LRRC4C: variants seen among roughly 807,000 people sequenced by gnomAD.
LRRC4C encodes leucine rich repeat containing 4C.
Under a neutral mutation model 33.6 loss-of-function variants are expected in LRRC4C, and 5 were observed. The ratio of observed to expected loss-of-function variants is 0.15; its 90% CI spans 0.08 to 0.31. The LOEUF is 0.31. Among genes scored for constraint, LRRC4C ranks in the 10% least tolerant of loss-of-function variants. The pLI is 1.00. For missense variants in LRRC4C, 560 were observed against 796.7 expected, an observed-to-expected ratio of 0.70 and a Z score of 3.58; for synonymous variants, 329 against 302.0, an observed-to-expected ratio of 1.09 and a Z score of -0.93.
At chr11:41,249,115 A>T (rs1339433315) in intron 1 of LRRC4C, among the ~76,000 whole-genome samples, 1 of 151,690 alleles carries the variant, frequency 6.6e-6, no homozygotes, top group Non-Finnish European at 1.5e-5. Flanking sequence ...GCTCACTGCA[A>T]GCTCCACCTC....
chr11:40,841,661 AAAT>A (rs1415215644), intron 2 of LRRC4C, among the ~76,000 whole-genome samples: 1 of 152,210 alleles, frequency 6.6e-6, no homozygotes. Context: ...GAAGTATGAG[AAAT>A]AATGTTTATG....
At chr11:40,282,423 A>G (rs1014241844) in intron 4 of LRRC4C, among the ~76,000 whole-genome samples, 1 of 152,162 alleles carries the variant, frequency 6.6e-6, no homozygotes, top group South Asian at 2.1e-4. Context: ...ACGCTTTATC[A>G]TAAGGAATGT....
At chr11:41,163,746 G>A (rs1228725571) in intron 1 of LRRC4C, among the ~76,000 whole-genome samples, 2 of 151,608 alleles carry the variant, frequency 1.3e-5, no homozygotes, top group Non-Finnish European at 2.9e-5. Flanking sequence ...TGAGTAGCTG[G>A]GATTACAGGT....
intron 3 of LRRC4C, among the ~76,000 whole-genome samples, chr11:40,400,601 T>A (rs1160432597): frequency 1.3e-5 from 2 of 152,086 alleles, no homozygotes; most frequent in Non-Finnish European, 2.9e-5. Context: ...TAGCCCTCCA[T>A]CTCCATTTCT....
chr11:41,396,552 A>C (rs1953822855), intron 1 of LRRC4C, among the ~76,000 whole-genome samples: 1 of 151,986 alleles, frequency 6.6e-6, no homozygotes, highest in African/African-American at 2.4e-5. Context: ...TAAAATAATC[A>C]CTAATAACAA....
chr11:40,759,158 A>G, intron 2 of LRRC4C, among the ~76,000 whole-genome samples: 1 of 147,068 alleles, frequency 6.8e-6, no homozygotes. Flanking sequence ...ATATATGTAA[A>G]ACTAACCATT....
intron 3 of LRRC4C, among the ~76,000 whole-genome samples, chr11:40,641,035 A>AAAT (rs3042021): frequency 1.3e-5 from 2 of 149,420 alleles, no homozygotes; most frequent in Non-Finnish European, 3.0e-5. Flanking sequence ...AAAAAAAAAA[A>AAAT]GTAAATTTAA....
intron 2 of LRRC4C, among the ~76,000 whole-genome samples, chr11:40,906,523 C>T (rs1249233339): frequency 2.0e-5 from 3 of 152,068 alleles, no homozygotes; most frequent in African/African-American, 7.2e-5. Context: ...AACAAACAAA[C>T]AGACAAACAA....
rs1426941230 is a variant in LRRC4C at position 41,361,897 on chromosome 11, GA to G, written c.-496+97533del. Among the ~76,000 whole-genome samples the G allele has an allele frequency of 2.0e-5, 3 of 152,052 alleles. No individual in the cohort carries two copies. In the South Asian group the frequency reaches 6.2e-4, roughly 32 times the overall value. ...AGAGGAGATAATATAATTGTAATCT[GA>G]AAAAAATCATGTGTAAAATAGCTTT... is the stretch of plus-strand genomic sequence containing the variant. On this transcript the variant is annotated intron_variant, in intron 1 of 6. Coordinates refer to ENST00000528697, the MANE Select transcript of LRRC4C (RefSeq NM_001258419.2).
chr11:41,280,598 T>C (rs1949632172), intron 1 of LRRC4C, among the ~76,000 whole-genome samples: 1 of 152,200 alleles, frequency 6.6e-6, no homozygotes. Flanking sequence ...CAAATTTACC[T>C]TACATTATGC....
chr11:40,795,340 A>G (rs914273369), intron 2 of LRRC4C, among the ~76,000 whole-genome samples: 3 of 152,046 alleles, frequency 2.0e-5, no homozygotes, highest in African/African-American at 7.2e-5. Flanking sequence ...CATCCTGGCT[A>G]ACACGGTGAA....
intron 4 of LRRC4C, among the ~76,000 whole-genome samples, chr11:40,280,747 T>G (rs1319966605): frequency 6.6e-6 from 1 of 152,138 alleles, no homozygotes; most frequent in Non-Finnish European, 1.5e-5. Context: ...CTGGAGCGAT[T>G]CAATTAACAT....
chr11:40,883,796 G>T (rs1221945195), intron 2 of LRRC4C, among the ~76,000 whole-genome samples: 1 of 151,374 alleles, frequency 6.6e-6, no homozygotes, highest in East Asian at 1.9e-4. Flanking sequence ...GATCTCTATA[G>T]AAATGACTTT....
Position 40,358,207 on chromosome 11 carries a change from AAAC to A in LRRC4C, c.-269-38489_-269-38487del, listed in dbSNP as rs534991322. ...CAAAAATAAATAAATAAATAACAAA[AAAC>A]AACAACAACAAAAAAGGAAATAGAG... On this transcript the variant is annotated intron_variant, in intron 3 of 6. Coordinates refer to ENST00000528697, the MANE Select transcript of LRRC4C (RefSeq NM_001258419.2). Among the ~76,000 whole-genome samples the A allele has an allele frequency of 8.8e-4, 124 of 141,420 alleles. 1 individual carries two copies. In the East Asian group the frequency reaches 9.4e-3, roughly 11 times the overall value. The allele number at this position is 141,420 out of a possible 152,430, so 92.8% of individuals were successfully genotyped here. A position where few individuals can be genotyped will look rare whatever the true frequency, so the allele number is the denominator to read the frequency against.
chr11:41,292,108 G>C (rs955650221), intron 1 of LRRC4C, among the ~76,000 whole-genome samples: 3 of 152,126 alleles, frequency 2.0e-5, no homozygotes, highest in Admixed American at 2.0e-4. Context: ...TTGATAACAG[G>C]TTTGATGATG....
rs566405459 is a variant in LRRC4C at position 40,834,697 on chromosome 11, T to G, written c.-407+98938A>C. ...AAGTCAACGATTCCATAAATCCCTT[T>G]GTGTAACTGAGGTGGCTTAATAATG... On this transcript the variant is annotated intron_variant, in intron 2 of 6. Transcript: ENST00000528697. 2.0e-5 allele frequency among the ~76,000 whole-genome samples: 3 copies of G among 152,204 alleles called. No individual in the cohort carries two copies. In the South Asian group the frequency reaches 6.2e-4, roughly 32 times the overall value.
intron 3 of LRRC4C, among the ~76,000 whole-genome samples, chr11:40,374,476 T>C (rs1007993581): frequency 2.0e-5 from 3 of 152,210 alleles, no homozygotes; most frequent in African/African-American, 7.2e-5. Flanking sequence ...ATAATAAAAA[T>C]GTTAATATCT....
At chr11:41,270,246 C>G (rs1475134087) in intron 1 of LRRC4C, among the ~76,000 whole-genome samples, 2 of 152,092 alleles carry the variant, frequency 1.3e-5, no homozygotes, top group Non-Finnish European at 2.9e-5. Flanking sequence ...CAAAACCTCA[C>G]TCTGCACGTA....
At chr11:40,295,253 T>A (rs1944451782) in intron 4 of LRRC4C, among the ~76,000 whole-genome samples, 1 of 152,200 alleles carries the variant, frequency 6.6e-6, no homozygotes, top group South Asian at 2.1e-4. Flanking sequence ...GCATTCACTT[T>A]ATGTCATTTA....
Sources: allele counts gnomAD v4.1 joint callset (sites outside exome capture counted in the v4.1 genomes callset), GRCh38; gene constraint gnomAD v4.1.1; transcripts MANE v1.5; gene names NCBI Gene and HGNC (gene_info 2026-07-23, HGNC 2026-07-21).